The following PLCH1 variants were observed in gnomAD, a reference collection of about 807,000 sequenced individuals.
PLCH1 encodes 1-phosphatidylinositol 4,5-bisphosphate phosphodiesterase eta-1.
PLCH1 carries 60 observed loss-of-function variants against 126.7 expected under a neutral mutation model. The ratio of observed to expected loss-of-function variants is 0.47; its 90% CI spans 0.38 to 0.59. The LOEUF (loss-of-function observed/expected upper bound fraction) is 0.59. Ranked by LOEUF, PLCH1 falls within the 20% of genes least tolerant of loss-of-function variation. PLCH1 has a pLI of 0.00. For missense variants in PLCH1, 1,723 were observed against 2,040.0 expected (o/e 0.84, Z 2.99); for synonymous variants, 719 against 734.9 (o/e 0.98, Z 0.35).
At chr3:155,546,143 T>A (rs935026191) in intron 10 of PLCH1, among the ~76,000 whole-genome samples, 1 of 152,218 alleles carries the variant, frequency 6.6e-6, no homozygotes, top group East Asian at 1.9e-4. Context: ...AAAACCCCAT[T>A]GTCTCAGCCC....
At chr3:155,504,325 TG>T (rs1239061113) in intron 13 of PLCH1, among the ~76,000 whole-genome samples, 1 of 152,240 alleles carries the variant, frequency 6.6e-6, no homozygotes. Context: ...GATATATTAT[TG>T]GATATATGTA....
At chr3:155,454,250 A>T (rs1712384616) in intron 21 of PLCH1, among the ~76,000 whole-genome samples, 1 of 152,208 alleles carries the variant, frequency 6.6e-6, no homozygotes, top group African/African-American at 2.4e-5. Flanking sequence ...TCAGCCAGCA[A>T]GGAGTTGGGC....
At chr3:155,612,496 T>C (rs1301719429) in intron 2 of PLCH1, among the ~76,000 whole-genome samples, 1 of 149,868 alleles carries the variant, frequency 6.7e-6, no homozygotes, top group Non-Finnish European at 1.5e-5. Context: ...ATAACCAAGA[T>C]CAGAGCAGAA....
chr3:155,622,624 T>G (rs991418445), intron 2 of PLCH1, among the ~76,000 whole-genome samples: 1 of 148,328 alleles, frequency 6.7e-6, no homozygotes, highest in Non-Finnish European at 1.5e-5. Context: ...ATCCTAGTCT[T>G]CAATAAAACA....
chr3:155,724,048 G>A (rs1748142456), intron 1 of PLCH1, among the ~76,000 whole-genome samples: 2 of 151,916 alleles, frequency 1.3e-5, no homozygotes, highest in African/African-American at 4.8e-5. Context: ...TATTTGCATG[G>A]TTTTGAGGCT....
rs146914776 is a variant in PLCH1 at position 155,550,345 on chromosome 3, T to C, written c.1191-387A>G. 2.9e-3 allele frequency among the ~76,000 whole-genome samples: 449 copies of C among 152,290 alleles called. 1 individual carries two copies. The highest frequency in any genetic ancestry group is 0.019 in the South Asian group (93 of 4,820). On this transcript the variant is annotated intron_variant, in intron 9 of 22. Coordinates refer to ENST00000460012, the MANE Select transcript of PLCH1 (RefSeq NM_014996.4). ...ATTTATTCAAAAGTCTAACAGCTTCTAAGAGACCACTGAATGTCATTAAAT... is the reference window on the plus strand; with the variant it reads ...ATTTATTCAAAAGTCTAACAGCTTCCAAGAGACCACTGAATGTCATTAAAT...
intron 1 of PLCH1, among the ~76,000 whole-genome samples, chr3:155,710,737 G>A (rs1264600852): frequency 2.6e-5 from 4 of 151,718 alleles, no homozygotes; most frequent in African/African-American, 7.3e-5. Context: ...GGAGGCTGAG[G>A]AAGGAGAATG....
Position 155,494,132 on chromosome 3 carries a change from AAT to A in PLCH1, c.2182+7_2182+8del, listed in dbSNP as rs781611903. ...CACCTGCATTTATGACTATGAAATT[AAT>A]ACACACCTTTGCACATTTGCTGGGG... On this transcript the variant is annotated splice_region_variant and intron_variant, in intron 17 of 22. Coordinates refer to ENST00000460012, the MANE Select transcript of PLCH1 (RefSeq NM_014996.4). The A allele has an allele frequency of 2.5e-6, 4 of 1,599,058 alleles. No homozygotes were observed. Among genetic ancestry groups the A allele is most frequent in the Admixed American group, 1.7e-5 (1 of 59,996 alleles).
At chr3:155,720,078 G>A (rs1196108791) in intron 1 of PLCH1, among the ~76,000 whole-genome samples, 1 of 152,198 alleles carries the variant, frequency 6.6e-6, no homozygotes, top group Non-Finnish European at 1.5e-5. Flanking sequence ...ACAGGCGTGA[G>A]CTACCATGCC....
At chr3:155,662,537 CCTAAAATAAGAGA>C (rs1409668724) in intron 2 of PLCH1, among the ~76,000 whole-genome samples, 4 of 151,244 alleles carry the variant, frequency 2.6e-5, no homozygotes, top group Admixed American at 2.6e-4. Context: ...TAATCTTAAG[CCTAAAATAAGAGA>C]CTAAAATAAG....
intron 2 of PLCH1, among the ~76,000 whole-genome samples, chr3:155,604,483 G>T (rs1419303244): frequency 1.3e-5 from 2 of 152,288 alleles, no homozygotes; most frequent in East Asian, 3.9e-4. Context: ...TGCGAACGTT[G>T]CATGTACATA....
At chr3:155,727,391 C>CT (rs55862258) in intron 1 of PLCH1, among the ~76,000 whole-genome samples, 55,771 of 141,586 alleles carry the variant, frequency 0.39, 12,285 homozygotes, top group African/African-American at 0.59. Context: ...GTACGAAATC[C>CT]TTTTTTTTTT....
At chr3:155,737,030 G>C (rs1430206869) in intron 1 of PLCH1, among the ~76,000 whole-genome samples, 1 of 151,814 alleles carries the variant, frequency 6.6e-6, no homozygotes, top group Non-Finnish European at 1.5e-5. Flanking sequence ...AGGAGTTCGA[G>C]ACCAGCCTGG....
chr3:155,652,318 T>C (rs9814642), intron 2 of PLCH1, among the ~76,000 whole-genome samples: 25,090 of 152,108 alleles, frequency 0.16, 2,356 homozygotes, highest in East Asian at 0.27. Flanking sequence ...ATTTATCTAA[T>C]GGACACGAAG....
intron 2 of PLCH1, among the ~76,000 whole-genome samples, chr3:155,661,691 C>G (rs1038575977): frequency 6.6e-6 from 1 of 152,168 alleles, no homozygotes; most frequent in Admixed American, 6.5e-5. Context: ...CCTTTCCTCT[C>G]TGATACTAGA....
chr3:155,535,410 C>T lies in PLCH1; in HGVS notation c.1363-11406G>A, dbSNP rs566815681. 2.6e-5 allele frequency among the ~76,000 whole-genome samples: 4 copies of T among 152,270 alleles called. No individual in the cohort carries two copies. In the South Asian group the frequency reaches 8.3e-4, roughly 32 times the overall value. The stretch of plus-strand genomic sequence containing the variant: ...TGTAGCCTGGGGCAAGATCTCAGCC[C>T]TACTCATGAGCTGCCTGGATATAAA... On this transcript the variant is annotated intron_variant, in intron 10 of 22. Coordinates refer to ENST00000460012, the MANE Select transcript of PLCH1 (RefSeq NM_014996.4).
chr3:155,661,501 T>C (rs1268869563), intron 2 of PLCH1, among the ~76,000 whole-genome samples: 1 of 152,184 alleles, frequency 6.6e-6, no homozygotes, highest in African/African-American at 2.4e-5. Context: ...ACCTGAACCT[T>C]TCACTTGCCT....
At chr3:155,479,151 A>C (rs568276495), downstream of PLCH1, among the ~76,000 whole-genome samples, 24 of 152,310 alleles carry the variant, frequency 1.6e-4, no homozygotes, top group African/African-American at 5.5e-4. Flanking sequence ...GATACCGTCA[A>C]ATCCTAAAGG....
intron 1 of PLCH1, among the ~76,000 whole-genome samples, chr3:155,707,585 A>G (rs909733803): frequency 4.0e-5 from 6 of 151,772 alleles, no homozygotes; most frequent in African/African-American, 1.5e-4. Flanking sequence ...GCTACTCGGG[A>G]GGCTGAGGCA....
Sources: allele counts gnomAD v4.1 joint callset (sites outside exome capture counted in the v4.1 genomes callset), GRCh38; gene constraint gnomAD v4.1.1; transcripts MANE v1.5; gene names NCBI Gene and HGNC (gene_info 2026-07-23, HGNC 2026-07-21).